The following GABRA3 variants were observed in gnomAD, a reference collection of about 807,000 sequenced individuals.
GABRA3 encodes gamma-aminobutyric acid type A receptor subunit alpha3.
Under a neutral mutation model 30.1 loss-of-function variants are expected in GABRA3, and 10 were observed. The ratio of observed to expected loss-of-function variants is 0.33; its 90% CI spans 0.20 to 0.56. The LOEUF (loss-of-function observed/expected upper bound fraction) is 0.56. Among genes scored for constraint, GABRA3 ranks in the 20% least tolerant of loss-of-function variants. The pLI is 0.89. For synonymous variants in GABRA3, 151 were observed against 146.8 expected, an observed-to-expected ratio of 1.03 and a Z score of -0.21; for missense variants, 233 against 392.0, an observed-to-expected ratio of 0.59 and a Z score of 3.42.
intron 1 of GABRA3, among the ~76,000 whole-genome samples, chrX:152,395,198 T>A (rs747363375): frequency 2.7e-5 from 3 of 111,001 alleles, no homozygotes; most frequent in Non-Finnish European, 5.7e-5. Context: ...GGGCATGATA[T>A]AAATCCAAAC....
chrX:152,265,397 C>G (rs1440100692), intron 4 of GABRA3, among the ~76,000 whole-genome samples: 1 of 111,373 alleles, frequency 9.0e-6, no homozygotes, highest in Non-Finnish European at 1.9e-5. Flanking sequence ...GCTGAATGAC[C>G]AATGGGTCAT....
intron 1 of GABRA3, among the ~76,000 whole-genome samples, chrX:152,393,734 G>A (rs1485759269): frequency 9.0e-6 from 1 of 111,659 alleles, no homozygotes; most frequent in Non-Finnish European, 1.9e-5. Context: ...GTTAAACCAC[G>A]ATGTACACCC....
chrX:152,364,922 C>T (rs760555038), intron 1 of GABRA3, among the ~76,000 whole-genome samples: 56 of 111,688 alleles, frequency 5.0e-4, no homozygotes, highest in African/African-American at 1.8e-3. Context: ...TGGCTTCACC[C>T]TATGTGATTA....
intron 2 of GABRA3, among the ~76,000 whole-genome samples, chrX:152,351,460 C>G (rs1459207012): frequency 8.9e-6 from 1 of 111,861 alleles, no homozygotes; most frequent in African/African-American, 3.2e-5. Context: ...CCACTAGCTT[C>G]AAACTTTTTC....
At chrX:152,311,919 C>G (rs1344821886) in intron 3 of GABRA3, among the ~76,000 whole-genome samples, 1 of 110,803 alleles carries the variant, frequency 9.0e-6, no homozygotes, top group Non-Finnish European at 1.9e-5. Context: ...CCAAAAGCAT[C>G]CAAGCTGAAA....
chrX:152,418,033 A>G, intron 1 of GABRA3, among the ~76,000 whole-genome samples: 2 of 110,551 alleles, frequency 1.8e-5, no homozygotes, highest in Middle Eastern at 4.6e-3. Flanking sequence ...AATAAAAAAA[A>G]GAAGAAAAAA....
intron 5 of GABRA3, among the ~76,000 whole-genome samples, chrX:152,237,695 A>G (rs376413785): frequency 0.12 from 12,474 of 103,907 alleles, 786 homozygotes; most frequent in Admixed American, 0.19. Flanking sequence ...TTCTCCTTGA[A>G]GAGGTCCTTC....
rs897036597 is a variant in GABRA3 at position 152,293,166 on chromosome X, C to T, written c.263-8431G>A. ...GACAGTGGGGTGTTAAAGTCTCCCA[C>T]TATTAATGTGTGAGAGTCTAAGTCT... On this transcript the variant is annotated intron_variant, in intron 3 of 9. Coordinates refer to ENST00000370314, the MANE Select transcript of GABRA3 (RefSeq NM_000808.4). Among the ~76,000 whole-genome samples the T allele has an allele frequency of 5.4e-5, 6 of 110,930 alleles. No individual in the cohort carries two copies. The Admixed American group carries it at 5.8e-4, about 11-fold the overall frequency.
At chrX:152,431,701 T>TGGAAGTGGGAGGGAGAAGAGTC (rs1569423879) in intron 1 of GABRA3, among the ~76,000 whole-genome samples, 1 of 111,345 alleles carries the variant, frequency 9.0e-6, no homozygotes, top group African/African-American at 3.3e-5. Flanking sequence ...TCCTTAAAAG[T>TGGAAGTGGGAGGGAGAAGAGTC]GGAAGTGGGA....
intron 3 of GABRA3, among the ~76,000 whole-genome samples, chrX:152,285,213 A>G (rs1477510774): frequency 1.8e-5 from 2 of 111,868 alleles, no homozygotes; most frequent in Non-Finnish European, 3.8e-5. Flanking sequence ...CTAATGCAAG[A>G]CCCTCCATGC....
chrX:152,412,256 G>C (rs113071610), intron 1 of GABRA3, among the ~76,000 whole-genome samples: 1 of 111,941 alleles, frequency 8.9e-6, no homozygotes, highest in Non-Finnish European at 1.9e-5. Flanking sequence ...TTTAAAAACA[G>C]TTTGGTGAGT....
chrX:152,184,386 T>C (rs1325349658), intron 9 of GABRA3, among the ~76,000 whole-genome samples: 2 of 111,332 alleles, frequency 1.8e-5, no homozygotes, highest in Non-Finnish European at 3.8e-5. Flanking sequence ...AGCTTGTTGA[T>C]TGGTGGGCTG....
intron 2 of GABRA3, among the ~76,000 whole-genome samples, chrX:152,360,934 G>A (rs1260552936): frequency 9.5e-6 from 1 of 105,670 alleles, no homozygotes; most frequent in Non-Finnish European, 1.9e-5. Context: ...AATCAGCCAC[G>A]TGTGGTGGCT....
chrX:152,294,478 G>A (rs1456346138), intron 3 of GABRA3, among the ~76,000 whole-genome samples: 6 of 111,009 alleles, frequency 5.4e-5, no homozygotes, highest in African/African-American at 9.8e-5. Flanking sequence ...CAGCTCCATC[G>A]GGTCACTGAA....
At chrX:152,350,648 C>T (rs1940465227) in intron 2 of GABRA3, among the ~76,000 whole-genome samples, 1 of 111,483 alleles carries the variant, frequency 9.0e-6, no homozygotes, top group Non-Finnish European at 1.9e-5. Context: ...CAACTTCTTC[C>T]ACACTCCTGT....
intron 4 of GABRA3, among the ~76,000 whole-genome samples, chrX:152,256,717 T>C (rs1013568371): frequency 8.9e-6 from 1 of 112,288 alleles, no homozygotes; most frequent in Non-Finnish European, 1.9e-5. Flanking sequence ...TTCTTGTAGC[T>C]ATTAATTATA....
At chrX:152,238,438 A>T (rs1254249937) in intron 5 of GABRA3, among the ~76,000 whole-genome samples, 2 of 107,088 alleles carry the variant, frequency 1.9e-5, no homozygotes, top group African/African-American at 6.9e-5. Context: ...CATCAAGGAT[A>T]TTGGTCTAAA....
intron 3 of GABRA3, among the ~76,000 whole-genome samples, chrX:152,339,690 A>C (rs767867689): frequency 9.1e-6 from 1 of 110,177 alleles, no homozygotes; most frequent in East Asian, 2.8e-4. Context: ...TTCTTTACTT[A>C]TTTTCTGTCT....
At chrX:152,366,713 T>C (rs1248824089) in intron 1 of GABRA3, among the ~76,000 whole-genome samples, 4 of 112,348 alleles carry the variant, frequency 3.6e-5, no homozygotes, top group Non-Finnish European at 5.6e-5. Flanking sequence ...GCAAATACAG[T>C]ATATGCATAG....
Sources: gnomAD v4.1 joint callset for allele counts (sites outside exome capture counted in the v4.1 genomes callset) on GRCh38, gnomAD v4.1.1 for gene constraint, MANE v1.5 for transcripts, NCBI Gene and HGNC (gene_info 2026-07-23, HGNC 2026-07-21) for gene names.